Variants in NCOR2 observed in about 807,000 individuals in gnomAD.
NCOR2 encodes nuclear receptor corepressor 2.
A neutral mutation model predicts 262.9 loss-of-function variants in NCOR2; 81 were observed. The ratio of observed to expected loss-of-function variants is 0.31; its 90% CI spans 0.26 to 0.37. The LOEUF is 0.37. Among genes scored for constraint, NCOR2 ranks in the 10% least tolerant of loss-of-function variants. The probability of loss-of-function intolerance (pLI) is 1.00; values close to 1 mark genes in which losing one functional copy is unlikely to be tolerated. For synonymous variants in NCOR2, 1,659 were observed against 1,559.3 expected, an observed-to-expected ratio of 1.06 and a Z score of -1.51; for missense variants, 3,385 against 3,621.4, an observed-to-expected ratio of 0.93 and a Z score of 1.68.
chr12:124,506,595 G>A (rs1015635916), intron 1 of NCOR2, among the ~76,000 whole-genome samples: 1 of 150,994 alleles, frequency 6.6e-6, no homozygotes, highest in African/African-American at 2.4e-5. Context: ...GCCCTGCACG[G>A]GGAGCGGCCC....
At chr12:124,499,412 A>G (rs186856599), upstream of NCOR2, among the ~76,000 whole-genome samples, 7 of 152,376 alleles carry the variant, frequency 4.6e-5, no homozygotes, top group Admixed American at 1.3e-4. Flanking sequence ...AGCGGGGTCC[A>G]GGCCCTGGAG....
At chr12:124,329,583 A>T (rs538757798) in intron 44 of NCOR2, among the ~76,000 whole-genome samples, 7 of 152,326 alleles carry the variant, frequency 4.6e-5, no homozygotes, top group Non-Finnish European at 8.8e-5. Flanking sequence ...TCTACAAAAA[A>T]GATAAAAAAT....
At chr12:124,484,061 C>T (rs1479754120) in intron 2 of NCOR2, among the ~76,000 whole-genome samples, 1 of 152,094 alleles carries the variant, frequency 6.6e-6, no homozygotes, top group African/African-American at 2.4e-5. Flanking sequence ...TGCTACGGAC[C>T]ACCCCACCGT....
intron 16 of NCOR2, among the ~76,000 whole-genome samples, chr12:124,391,013 C>G (rs1374094051): frequency 1.3e-5 from 2 of 152,248 alleles, no homozygotes; most frequent in African/African-American, 4.8e-5. Context: ...CATGGGGCAG[C>G]GTCCCACATG....
upstream of NCOR2, among the ~76,000 whole-genome samples, chr12:124,536,230 C>T (rs1045209217): frequency 6.6e-6 from 1 of 152,128 alleles, no homozygotes; most frequent in Non-Finnish European, 1.5e-5. Context: ...GCACGTGCCA[C>T]CATGCCCGGC....
At chr12:124,363,835 C>T (rs1323447709) in intron 20 of NCOR2, 36 bp from the exon 23 acceptor site, 1 of 1,320,194 alleles carries the variant, frequency 7.6e-7, no homozygotes, top group Non-Finnish European at 9.7e-7. Flanking sequence ...TGGGGGCCCA[C>T]AGCCGGACTC....
chr12:124,350,599 A>G (rs1412940247), exon 28 of NCOR2: 8 of 1,613,652 alleles, frequency 5.0e-6, no homozygotes, highest in Non-Finnish European at 6.8e-6. Context: ...TCATAGGACA[A>G]GACGTGGCCC....
In NCOR2 at chr12:124,365,477, G is replaced by A. The variant is rs116240433; in HGVS notation, c.2808-1678C>T. Among the ~76,000 whole-genome samples, 508 of 152,300 alleles carry A rather than the reference G, an allele frequency of 3.3e-3. 4 individuals are homozygous for A. Among genetic ancestry groups the A allele is most frequent in the African/African-American group, 0.012 (492 of 41,568 alleles). ...TGCCCAGGGTGCTGAGGCCCCTGCC[G>A]GCAGTCCCCTCCTTCAATCTCTGCC... On this transcript the variant is annotated intron_variant, in intron 20 of 46. Transcript: ENST00000405201.
rs190411756 is a variant in NCOR2, at chr12:124,523,532, T to C, written c.-118+12033A>G. Among the ~76,000 whole-genome samples, 215 of 152,120 alleles carry C rather than the reference T, an allele frequency of 1.4e-3. 1 individual carries two copies. Among genetic ancestry groups the C allele is most frequent in the African/African-American group, 5.0e-3 (207 of 41,492 alleles). On this transcript the variant is annotated intron_variant, in intron 1 of 46. Transcript: ENST00000404621. The surrounding 1 kb of genome is among the most constrained non-coding windows in gnomAD (Gnocchi z 4.0). ...TCAGTGGGCTTCACGCGGCCTCCAC[T>C]GTGCCTTACAACCGGCGTGTCCAGT...
chr12:124,485,374 G>A (rs1565986632), intron 2 of NCOR2, among the ~76,000 whole-genome samples: 1 of 152,160 alleles, frequency 6.6e-6, no homozygotes, highest in African/African-American at 2.4e-5. Context: ...GTGAGACAGA[G>A]GCAGAGGCAG....
upstream of NCOR2, among the ~76,000 whole-genome samples, chr12:124,497,060 A>G (rs1325172874): frequency 6.6e-6 from 1 of 152,232 alleles, no homozygotes; most frequent in African/African-American, 2.4e-5. The surrounding 1 kb of genome is among the most constrained non-coding windows in gnomAD (Gnocchi z 4.2). Context: ...AAGCCTGCTC[A>G]CTTCATTAGG....
At chr12:124,532,707 G>A (rs962576432) in intron 1 of NCOR2, among the ~76,000 whole-genome samples, 2 of 152,206 alleles carry the variant, frequency 1.3e-5, no homozygotes, top group East Asian at 1.9e-4. Flanking sequence ...GGCCGGAGAC[G>A]GAGACGCCGA....
At chr12:124,333,877 CGGGTGT>C (rs2035528266) in intron 41 of NCOR2, among the ~76,000 whole-genome samples, 15 of 17,966 alleles carry the variant, frequency 8.3e-4, no homozygotes, top group Non-Finnish European at 1.3e-3. Flanking sequence ...CGCATGTGTG[CGGGTGT>C]GCATGTGTGT....
chr12:124,421,250 ACTGAAGC>A lies in NCOR2; in HGVS notation c.1384-1202_1384-1196del, dbSNP rs2043188172. ...TGCTCCAGACCCCTCTGGAAGCTCTACTGAAGCCTTGTCCTGGGCTGCCTCTCAGCCA... is the reference window on the plus strand; with the variant it reads ...TGCTCCAGACCCCTCTGGAAGCTCTACTTGTCCTGGGCTGCCTCTCAGCCA... On this transcript the variant is annotated intron_variant, in intron 12 of 46. Transcript: ENST00000405201. Among the ~76,000 whole-genome samples, 4 of 152,322 alleles carry A rather than the reference ACTGAAGC, an allele frequency of 2.6e-5. No homozygotes were observed. In the South Asian group the frequency reaches 8.3e-4, roughly 32 times the overall value.
upstream of NCOR2, among the ~76,000 whole-genome samples, chr12:124,537,361 C>T (rs2051147167): frequency 6.6e-6 from 1 of 152,214 alleles, no homozygotes; most frequent in Admixed American, 6.5e-5. Flanking sequence ...CCTTCTCCAC[C>T]TCGTGCCAAA....
At chr12:124,335,109 A>G (rs2035769649) in intron 40 of NCOR2, 26 bp downstream of exon 42, 4 of 1,612,156 alleles carry the variant, frequency 2.5e-6, no homozygotes, top group Admixed American at 3.3e-5. Flanking sequence ...AAAGGTGACA[A>G]GCAGCAGCAG....
At chr12:124,350,814 G>A in intron 27 of NCOR2, 77 bp from the exon 30 acceptor site, 3 of 1,492,380 alleles carry the variant, frequency 2.0e-6, no homozygotes, top group Non-Finnish European at 2.7e-6. Context: ...GCAAAGACGT[G>A]CTTAAAAGCC....
chr12:124,412,655 C>G (rs188539686), intron 13 of NCOR2, among the ~76,000 whole-genome samples: 5 of 152,372 alleles, frequency 3.3e-5, no homozygotes, highest in Admixed American at 2.6e-4. Flanking sequence ...TGTGGGGTAG[C>G]CCACCTCGGG....
At chr12:124,423,279 T>C (rs1354412935) in intron 11 of NCOR2, among the ~76,000 whole-genome samples, 1 of 152,186 alleles carries the variant, frequency 6.6e-6, no homozygotes, top group African/African-American at 2.4e-5. Flanking sequence ...GTGGAGTCCC[T>C]GGCCCCAGGC....
Sources: gnomAD v4.1 joint callset for allele counts (sites outside exome capture counted in the v4.1 genomes callset) on GRCh38, gnomAD v4.1.1 for gene constraint, Gnocchi (gnomAD v3.1) non-coding constraint, MANE v1.5 for transcripts, NCBI Gene and HGNC (gene_info 2026-07-23, HGNC 2026-07-21) for gene names.